Variants in STK32B observed in about 807,000 individuals in gnomAD.
The protein encoded by STK32B is serine/threonine kinase 32B.
STK32B carries 43 observed loss-of-function variants against 52.6 expected under a neutral mutation model. The ratio of observed to expected loss-of-function variants is 0.82; its 90% CI spans 0.64 to 1.05. The LOEUF (loss-of-function observed/expected upper bound fraction) is 1.05, where lower values mean the gene tolerates loss of function less well. Among genes scored for constraint, STK32B ranks in the 50% least tolerant of loss-of-function variants. STK32B has a pLI of 0.00. For missense variants in STK32B, 621 were observed against 534.6 expected, an observed-to-expected ratio of 1.16 and a Z score of -1.59; for synonymous variants, 238 against 204.3, an observed-to-expected ratio of 1.17 and a Z score of -1.41.
At chr4:5,042,556 G>A in the STK32B span, among the ~76,000 whole-genome samples, 3 of 152,140 alleles carry the variant, frequency 2.0e-5, no homozygotes, top group African/African-American at 7.2e-5. Context: ...TCAGTGTTAG[G>A]TGACCAATTC....
intron 3 of STK32B, among the ~76,000 whole-genome samples, chr4:5,230,409 C>T (rs941243065): frequency 4.6e-5 from 7 of 151,860 alleles, no homozygotes; most frequent in Non-Finnish European, 8.8e-5. Context: ...AGGCTGGTAT[C>T]GAACTCCTAA....
intron 1 of STK32B, among the ~76,000 whole-genome samples, chr4:5,074,559 T>G (rs1036727558): frequency 6.6e-6 from 1 of 152,108 alleles, no homozygotes; most frequent in Non-Finnish European, 1.5e-5. Context: ...ATATCTAGTA[T>G]TTTTCTTTAT....
At chr4:5,273,773 A>G (rs980164154) in intron 3 of STK32B, among the ~76,000 whole-genome samples, 12 of 138,726 alleles carry the variant, frequency 8.7e-5, no homozygotes, top group Non-Finnish European at 1.5e-4. Context: ...ATTCTCACTC[A>G]TAGGTGGGAA....
intron 7 of STK32B, among the ~76,000 whole-genome samples, chr4:5,454,016 C>A (rs1716267851): frequency 6.6e-6 from 1 of 152,204 alleles, no homozygotes; most frequent in African/African-American, 2.4e-5. Context: ...AACTGCCCTT[C>A]CGCAAACATG....
At chr4:5,197,144 A>G (rs1177432203) in intron 3 of STK32B, among the ~76,000 whole-genome samples, 1 of 152,030 alleles carries the variant, frequency 6.6e-6, no homozygotes, top group African/African-American at 2.4e-5. Context: ...GAAGAAGGAC[A>G]ATAGGGAGGG....
chr4:5,166,325 C>G (rs1255118349), intron 2 of STK32B, among the ~76,000 whole-genome samples: 1 of 151,744 alleles, frequency 6.6e-6, no homozygotes, highest in Non-Finnish European at 1.5e-5. Context: ...CTAGGCCTCA[C>G]TTTCCTCTCT....
intron 4 of STK32B, among the ~76,000 whole-genome samples, chr4:5,384,914 A>T (rs1299811424): frequency 6.6e-6 from 1 of 151,950 alleles, no homozygotes; most frequent in Non-Finnish European, 1.5e-5. Flanking sequence ...CCTAGGAGAA[A>T]GAGGAGTCAA....
intron 1 of STK32B, among the ~76,000 whole-genome samples, chr4:5,131,830 A>G (rs1030384005): frequency 1.3e-5 from 2 of 152,198 alleles, no homozygotes; most frequent in African/African-American, 4.8e-5. Flanking sequence ...CACAATCACT[A>G]TCACCTTACC....
At chr4:5,335,785 A>G (rs1732632133) in intron 4 of STK32B, among the ~76,000 whole-genome samples, 1 of 151,826 alleles carries the variant, frequency 6.6e-6, no homozygotes, top group African/African-American at 2.4e-5. Flanking sequence ...GTAGTTGAGC[A>G]GTTTTGAGTG....
At position 5,099,447 on chromosome 4, in the gene STK32B, T is replaced by TGCGCGCGCACACGCGCGCGC. The variant is rs1553823495; in HGVS notation, c.53-40457_53-40456insCGCGCGCACACGCGCGCGCG. The stretch of plus-strand genomic sequence containing the variant: ...CTGCAGTCCTCTGTGTGTGTGTGTG[T>TGCGCGCGCACACGCGCGCGC]GTGCGCGCGCGCGTATGTGATGTGT... On this transcript the variant is annotated intron_variant, in intron 1 of 11. Transcript: ENST00000282908. Among the ~76,000 whole-genome samples the TGCGCGCGCACACGCGCGCGC allele has an allele frequency of 6.2e-5, 5 of 80,572 alleles. No individual in the cohort carries two copies. In the East Asian group the frequency reaches 6.5e-4, roughly 10 times the overall value. 52.9% of individuals were successfully genotyped at this position (80,572 alleles called of 152,430 possible).
intron 3 of STK32B, among the ~76,000 whole-genome samples, chr4:5,291,853 GTC>G (rs996268439): frequency 6.6e-6 from 1 of 151,964 alleles, no homozygotes; most frequent in African/African-American, 2.4e-5. Context: ...ACGCCTTTCT[GTC>G]TCTTTTTTTG....
the STK32B span, among the ~76,000 whole-genome samples, chr4:5,041,115 CGTT>C: frequency 2.0e-5 from 3 of 152,234 alleles, no homozygotes; most frequent in African/African-American, 7.2e-5. Context: ...AGTCTCTTCT[CGTT>C]GATAGAAACG....
intron 3 of STK32B, among the ~76,000 whole-genome samples, chr4:5,248,826 C>CA (rs1279153900): frequency 6.6e-6 from 1 of 150,754 alleles, no homozygotes; most frequent in South Asian, 2.1e-4. Context: ...ATCGTGAGGA[C>CA]AAAAAACCAA....
chr4:5,464,841 AG>A (rs2109161521), intron 9 of STK32B, among the ~76,000 whole-genome samples: 1 of 152,294 alleles, frequency 6.6e-6, no homozygotes, highest in Non-Finnish European at 1.5e-5. Context: ...AGGCAAAACA[AG>A]GCAGAGCCTG....
intron 1 of STK32B, among the ~76,000 whole-genome samples, chr4:5,082,206 T>C (rs1267966095): frequency 6.6e-6 from 1 of 152,154 alleles, no homozygotes; most frequent in Non-Finnish European, 1.5e-5. Flanking sequence ...TCCCATTTGT[T>C]GTCCCGAAGG....
intron 11 of STK32B, among the ~76,000 whole-genome samples, chr4:5,481,621 G>T (rs1258493936): frequency 6.6e-6 from 1 of 152,118 alleles, no homozygotes; most frequent in African/African-American, 2.4e-5. Flanking sequence ...GGCTTTTGTT[G>T]CCATTGCTTT....
At chr4:5,262,392 C>T (rs558869899) in intron 3 of STK32B, among the ~76,000 whole-genome samples, 7 of 151,752 alleles carry the variant, frequency 4.6e-5, no homozygotes, top group South Asian at 2.1e-4. Flanking sequence ...TTTGGGAGGC[C>T]GAGGCAGGCG....
intron 1 of STK32B, among the ~76,000 whole-genome samples, chr4:5,074,414 C>T (rs1427442628): frequency 6.6e-6 from 1 of 152,036 alleles, no homozygotes; most frequent in East Asian, 1.9e-4. Context: ...ATTCCTCATG[C>T]CTTTGTCCAC....
intron 1 of STK32B, among the ~76,000 whole-genome samples, chr4:5,052,341 C>T (rs76409081): frequency 6.6e-6 from 1 of 151,920 alleles, no homozygotes; most frequent in South Asian, 2.1e-4. Context: ...TGTGTGTGCG[C>T]GTGCCCACGA....
Sources: allele counts gnomAD v4.1 joint callset (sites outside exome capture counted in the v4.1 genomes callset), GRCh38; gene constraint gnomAD v4.1.1; transcripts MANE v1.5; gene names NCBI Gene and HGNC (gene_info 2026-07-23, HGNC 2026-07-21).